ZNF430: variants seen among roughly 807,000 people sequenced by gnomAD.
The protein encoded by ZNF430 is zinc finger protein 430.
A neutral mutation model predicts 56.7 loss-of-function variants in ZNF430; 35 were observed. That is an observed-to-expected ratio of 0.62 (90% CI 0.47 to 0.82). The LOEUF (loss-of-function observed/expected upper bound fraction) is 0.82. ZNF430 is among the 40% of genes least tolerant of loss of function. The probability of loss-of-function intolerance (pLI) is 0.00; values close to 1 mark genes in which losing one functional copy is unlikely to be tolerated. For missense variants in ZNF430, 574 were observed against 661.0 expected (o/e 0.87, Z 1.44); for synonymous variants, 212 against 224.3 (o/e 0.94, Z 0.49).
chr19:21,059,636 C>T lies in ZNF430; in HGVS notation c.*1615C>T, dbSNP rs1354722055. On this transcript the variant is annotated 3_prime_UTR_variant, in exon 5 of 5. Transcript: ENST00000261560. ...AGAAGGGCTTTTTGCAGAGTTATTA[C>T]GTTTGAAGTATACTTTATTTCTTGA... 6 of 150,604 alleles carry T rather than the reference C, an allele frequency of 4.0e-5. No homozygotes were observed. Among genetic ancestry groups the T allele is most frequent in the Admixed American group, 6.6e-5 (1 of 15,120 alleles). 9.3% of individuals were successfully genotyped at this position (150,604 alleles called of 1,614,324 possible). A position where few individuals can be genotyped will look rare whatever the true frequency, so the allele number is the denominator to read the frequency against.
chr19:21,033,638 T>A, intron 3 of ZNF430, 56 bp downstream of exon 3: 1 of 1,494,274 alleles, frequency 6.7e-7, no homozygotes, highest in Non-Finnish European at 8.9e-7. Context: ...TCATTTCTCA[T>A]TTTTTGAGAA....
chr19:21,029,794 G>A (rs1056232680), intron 2 of ZNF430, among the ~76,000 whole-genome samples: 7 of 152,158 alleles, frequency 4.6e-5, no homozygotes, highest in East Asian at 1.9e-4. Context: ...GTGAAACCCC[G>A]TCTCTACTAA....
chr19:21,028,261 T>A (rs1442706556), intron 2 of ZNF430, among the ~76,000 whole-genome samples: 2 of 152,212 alleles, frequency 1.3e-5, no homozygotes, highest in Non-Finnish European at 2.9e-5. Context: ...TTGCCACAGT[T>A]ATGTGAGAGG....
intron 4 of ZNF430, chr19:21,049,633 A>G (rs202070148): frequency 1.1e-5 from 1 of 88,328 alleles, no homozygotes; most frequent in African/African-American, 3.3e-5. Context: ...TTCTTGTTAC[A>G]TTTCGTGCAA....
intron 4 of ZNF430, among the ~76,000 whole-genome samples, chr19:21,046,692 C>T (rs2144779362): frequency 6.6e-6 from 1 of 152,102 alleles, no homozygotes; most frequent in Middle Eastern, 3.4e-3. Context: ...AGGGTTTCTG[C>T]TTAAAGGTCT....
At chr19:21,027,973 A>C (rs1256569605) in intron 2 of ZNF430, among the ~76,000 whole-genome samples, 2 of 152,236 alleles carry the variant, frequency 1.3e-5, no homozygotes, top group Non-Finnish European at 2.9e-5. Flanking sequence ...CATATCACGT[A>C]GAATGAGCTA....
intron 4 of ZNF430, 89 bp from the exon 5 acceptor site, chr19:21,056,542 T>G: frequency 1.0e-6 from 1 of 962,310 alleles, no homozygotes; most frequent in Non-Finnish European, 1.5e-6. Flanking sequence ...CTTGTTTATG[T>G]AGTTTGTATA....
chr19:21,045,996 G>T (rs2144778467), intron 4 of ZNF430, among the ~76,000 whole-genome samples: 1 of 152,180 alleles, frequency 6.6e-6, no homozygotes, highest in East Asian at 1.9e-4. Context: ...TTGACATTCT[G>T]TGTCTTTTAA....
chr19:21,026,961 C>T (rs2144752293), intron 2 of ZNF430, among the ~76,000 whole-genome samples: 1 of 149,712 alleles, frequency 6.7e-6, no homozygotes, highest in African/African-American at 2.4e-5. Context: ...TCCTGAGTAG[C>T]TGGGACTACA....
At chr19:21,023,979 A>G (rs1019455208) in intron 2 of ZNF430, among the ~76,000 whole-genome samples, 1 of 152,230 alleles carries the variant, frequency 6.6e-6, no homozygotes, top group Non-Finnish European at 1.5e-5. Context: ...CTTCCCTTGT[A>G]TGAACACTGT....
chr19:21,025,234 G>A (rs1172158109), intron 2 of ZNF430, among the ~76,000 whole-genome samples: 2 of 152,132 alleles, frequency 1.3e-5, no homozygotes, highest in Non-Finnish European at 2.9e-5. Context: ...CTAAACAAGG[G>A]GTGGATTATT....
At chr19:21,022,106 G>A (rs1967701228) in intron 1 of ZNF430, among the ~76,000 whole-genome samples, 1 of 152,122 alleles carries the variant, frequency 6.6e-6, no homozygotes, top group African/African-American at 2.4e-5. Flanking sequence ...CCAAAATGCT[G>A]GGATTACAGG....
At chr19:21,025,104 A>G (rs1967768431) in intron 2 of ZNF430, among the ~76,000 whole-genome samples, 1 of 152,186 alleles carries the variant, frequency 6.6e-6, no homozygotes, top group African/African-American at 2.4e-5. Context: ...GAGTCTACAG[A>G]GTAAAGTAAA....
chr19:21,022,589 A>C (rs1320452601), intron 1 of ZNF430, among the ~76,000 whole-genome samples, 200 bp from the exon 2 acceptor site: 1 of 152,122 alleles, frequency 6.6e-6, no homozygotes, highest in Non-Finnish European at 1.5e-5. Context: ...TTCTCTGGGC[A>C]CAGAGATCTT....
chr19:21,058,335 T>C lies in ZNF430; in HGVS notation c.*314T>C. The C allele has an allele frequency of 4.4e-6, 1 of 226,704 alleles. No homozygotes were observed. Among genetic ancestry groups the C allele is most frequent in the Admixed American group, 5.1e-5 (1 of 19,668 alleles). 14.0% of individuals were successfully genotyped at this position (226,704 alleles called of 1,614,324 possible). A position where few individuals can be genotyped will look rare whatever the true frequency, so the allele number is the denominator to read the frequency against. On this transcript the variant is annotated 3_prime_UTR_variant, in exon 5 of 5. Coordinates refer to ENST00000261560, the MANE Select transcript of ZNF430 (RefSeq NM_025189.4). Reference sequence around the variant, plus strand: ...GGTGCATGCCTGTAATCCCAGCTACTCGGGAGGCTGAGGCAGGAGAATTGC... The same window carrying C: ...GGTGCATGCCTGTAATCCCAGCTACCCGGGAGGCTGAGGCAGGAGAATTGC...
intron 4 of ZNF430, among the ~76,000 whole-genome samples, chr19:21,056,360 G>A (rs1158793660): frequency 4.6e-5 from 7 of 152,050 alleles, no homozygotes; most frequent in Admixed American, 1.3e-4. Context: ...GTGGTGGTGC[G>A]TGCCTGTAAT....
rs1488230689 is a variant in ZNF430 at position 21,058,034 on chromosome 19, A to AG, written c.*14dup. ...CCTACAAATGTGAAGATTGTGGCAA[A>AG]GCCTCTAACCCGTCCTGAATTCTTA... On this transcript the variant is annotated 3_prime_UTR_variant, in exon 5 of 5. Transcript: ENST00000261560. 1 of 1,607,922 alleles carries AG rather than the reference A, an allele frequency of 6.2e-7. No individual in the cohort carries two copies. Among genetic ancestry groups the AG allele is most frequent in the African/African-American group, 1.3e-5 (1 of 74,674 alleles).
chr19:21,053,077 G>A (rs909391310), intron 4 of ZNF430, among the ~76,000 whole-genome samples: 11 of 152,074 alleles, frequency 7.2e-5, no homozygotes, highest in African/African-American at 1.2e-4. Flanking sequence ...AATGCATCGC[G>A]ACTGTTCAGG....
intron 3 of ZNF430, 60 bp from the exon 4 acceptor site, chr19:21,034,026 A>G: frequency 7.8e-7 from 1 of 1,277,122 alleles, no homozygotes; most frequent in Non-Finnish European, 1.1e-6. Context: ...TACTAAGCAC[A>G]GTACTAGGTT....
Sources: allele counts gnomAD v4.1 joint callset (sites outside exome capture counted in the v4.1 genomes callset), GRCh38; gene constraint gnomAD v4.1.1; transcripts MANE v1.5; gene names NCBI Gene and HGNC (gene_info 2026-07-23, HGNC 2026-07-21).